ST6GALNAC3: variants seen among roughly 807,000 people sequenced by gnomAD.
ST6GALNAC3 encodes the protein alpha-N-acetylgalactosaminide alpha-2,6-sialyltransferase 3.
ST6GALNAC3 carries 25 observed loss-of-function variants against 32.7 expected under a neutral mutation model. The ratio of observed to expected loss-of-function variants is 0.76; its 90% CI spans 0.56 to 1.07. The LOEUF is 1.07. Among genes scored for constraint, ST6GALNAC3 ranks in the 50% least tolerant of loss-of-function variants. The pLI, the probability that ST6GALNAC3 is intolerant of heterozygous loss-of-function variation, is 0.00. For missense variants in ST6GALNAC3, 355 were observed against 382.4 expected, an observed-to-expected ratio of 0.93 and a Z score of 0.60; for synonymous variants, 129 against 133.1, an observed-to-expected ratio of 0.97 and a Z score of 0.21.
chr1:76,633,932 T>C lies in ST6GALNAC3; in HGVS notation c.*5126T>C, dbSNP rs1455702435. The C allele has an allele frequency of 6.5e-6, 1 of 153,208 alleles. No individual in the cohort carries two copies. Among genetic ancestry groups the C allele is most frequent in the African/African-American group, 2.4e-5 (1 of 41,478 alleles). The allele number at this position is 153,208 out of a possible 1,614,324, so 9.5% of individuals were successfully genotyped here. On this transcript the variant is annotated 3_prime_UTR_variant, in exon 5 of 5. Coordinates refer to ENST00000328299, the MANE Select transcript of ST6GALNAC3 (RefSeq NM_152996.4). ...ATATTGTTCTGTTGCTTGTTTTTGC[T>C]GAACTGTAGAGAAAACACCAGAGTA...
intron 3 of ST6GALNAC3, among the ~76,000 whole-genome samples, chr1:76,562,285 G>A (rs575408400): frequency 7.9e-5 from 12 of 152,260 alleles, no homozygotes; most frequent in East Asian, 1.9e-4. Flanking sequence ...TAAAAAAGTC[G>A]GGGGAGGATC....
At chr1:76,388,706 C>T (rs1652288768) in intron 2 of ST6GALNAC3, among the ~76,000 whole-genome samples, 2 of 152,110 alleles carry the variant, frequency 1.3e-5, no homozygotes, top group African/African-American at 4.8e-5. Flanking sequence ...GAAATAGGCT[C>T]CATTTGTTCT....
At chr1:76,483,779 G>T (rs1659902608) in intron 3 of ST6GALNAC3, among the ~76,000 whole-genome samples, 1 of 152,102 alleles carries the variant, frequency 6.6e-6, no homozygotes, top group Non-Finnish European at 1.5e-5. Context: ...TTGTGTTTTA[G>T]ACATGAAGTC....
At position 76,178,322 on chromosome 1, in the gene ST6GALNAC3, T is replaced by G. The variant is rs145691046; in HGVS notation, c.18+103438T>G. 1.7e-4 allele frequency among the ~76,000 whole-genome samples: 26 copies of G among 152,186 alleles called. No individual in the cohort carries two copies. In the East Asian group the frequency reaches 4.6e-3, roughly 27 times the overall value. On this transcript the variant is annotated intron_variant, in intron 1 of 4. Coordinates refer to ENST00000328299, the MANE Select transcript of ST6GALNAC3 (RefSeq NM_152996.4). ...CTTCACTAGACCCAAGGGCATGGAGTAATTTCTCAGGAAAGTATTCTGCCA... is the reference window on the plus strand; with the variant it reads ...CTTCACTAGACCCAAGGGCATGGAGGAATTTCTCAGGAAAGTATTCTGCCA...
At chr1:76,099,530 A>G (rs761867825) in intron 1 of ST6GALNAC3, among the ~76,000 whole-genome samples, 18 of 152,088 alleles carry the variant, frequency 1.2e-4, no homozygotes, top group Non-Finnish European at 2.5e-4. Context: ...AACAATGTAG[A>G]TGAATCTCCA....
chr1:76,286,412 G>T (rs1537784), intron 1 of ST6GALNAC3, among the ~76,000 whole-genome samples: 1 of 152,100 alleles, frequency 6.6e-6, no homozygotes, highest in East Asian at 1.9e-4. Context: ...ACAAACCAGT[G>T]GCTCCCCCAC....
At chr1:76,467,015 T>C (rs1327416309) in intron 3 of ST6GALNAC3, among the ~76,000 whole-genome samples, 5 of 152,082 alleles carry the variant, frequency 3.3e-5, no homozygotes, top group Non-Finnish European at 7.4e-5. Context: ...TTCCTTAAGA[T>C]GTTTTAGTTG....
At chr1:76,301,498 T>C (rs555725768) in intron 1 of ST6GALNAC3, among the ~76,000 whole-genome samples, 2 of 152,206 alleles carry the variant, frequency 1.3e-5, no homozygotes, top group African/African-American at 4.8e-5. Context: ...TAAATGCATA[T>C]GCTTTATATT....
downstream of ST6GALNAC3, among the ~76,000 whole-genome samples, chr1:76,635,764 T>C (rs1649488935): frequency 6.6e-6 from 1 of 152,172 alleles, no homozygotes; most frequent in Non-Finnish European, 1.5e-5. Flanking sequence ...TTGAGGTCCT[T>C]TGAGTCCTCT....
intron 3 of ST6GALNAC3, among the ~76,000 whole-genome samples, chr1:76,425,708 C>G (rs1282133298): frequency 1.3e-5 from 2 of 151,842 alleles, no homozygotes; most frequent in Non-Finnish European, 1.5e-5. Context: ...GCTGAGAAAC[C>G]TTGCCGAGAG....
At chr1:76,502,566 T>A (rs1461941754) in intron 3 of ST6GALNAC3, among the ~76,000 whole-genome samples, 3 of 152,184 alleles carry the variant, frequency 2.0e-5, no homozygotes, top group Non-Finnish European at 4.4e-5. Flanking sequence ...CTTCTCTGCA[T>A]GTCTGTGTCC....
intron 1 of ST6GALNAC3, among the ~76,000 whole-genome samples, chr1:76,212,895 C>G (rs1009173918): frequency 1.3e-5 from 2 of 152,056 alleles, no homozygotes; most frequent in Non-Finnish European, 2.9e-5. Flanking sequence ...ACTGGCAAGT[C>G]TAAAACACAG....
In ST6GALNAC3 at chr1:76,278,063, T is replaced by A. The variant is rs761489816; in HGVS notation, c.19-35742T>A. On this transcript the variant is annotated intron_variant, in intron 1 of 4. Transcript: ENST00000328299. The stretch of plus-strand genomic sequence containing the variant: ...TATTTTTATGAAATTTCATTAAATT[T>A]ATAGTTTTGGGGAAGAGTTGGTATC... Among the ~76,000 whole-genome samples the A allele has an allele frequency of 6.1e-4, 93 of 152,258 alleles. 2 individuals are homozygous for A. The highest frequency in any genetic ancestry group is 1.5e-4 in the Non-Finnish European group (10 of 68,034).
intron 1 of ST6GALNAC3, among the ~76,000 whole-genome samples, chr1:76,168,492 C>T (rs1008604165): frequency 1.3e-5 from 2 of 152,132 alleles, no homozygotes; most frequent in Non-Finnish European, 2.9e-5. Context: ...TCCATTTGAT[C>T]TAATGCTGAG....
intron 1 of ST6GALNAC3, among the ~76,000 whole-genome samples, chr1:76,115,992 T>C (rs1296791193): frequency 1.3e-5 from 2 of 152,196 alleles, no homozygotes; most frequent in Non-Finnish European, 2.9e-5. Flanking sequence ...AGATAGGCTC[T>C]GCTCTCATTA....
intron 2 of ST6GALNAC3, among the ~76,000 whole-genome samples, chr1:76,398,126 C>T (rs1412443979): frequency 6.6e-6 from 1 of 151,366 alleles, no homozygotes; most frequent in African/African-American, 2.4e-5. Flanking sequence ...ATGTTCCAAA[C>T]CATTATTCCA....
At chr1:76,119,371 A>C (rs2100831142) in intron 1 of ST6GALNAC3, among the ~76,000 whole-genome samples, 1 of 152,340 alleles carries the variant, frequency 6.6e-6, no homozygotes, top group African/African-American at 2.4e-5. Flanking sequence ...TTAATGCTAA[A>C]TATTTACTCT....
chr1:76,506,819 T>G (rs1333436840), intron 3 of ST6GALNAC3, among the ~76,000 whole-genome samples: 1 of 152,146 alleles, frequency 6.6e-6, no homozygotes, highest in Non-Finnish European at 1.5e-5. Flanking sequence ...CACCTCTCCA[T>G]GTAGGGAAGG....
In ST6GALNAC3 at chr1:76,383,902, G is replaced by T. The variant is rs1289815810; in HGVS notation, c.214-28106G>T. ...ATGATTACTAAAAAGAATAACAAAA[G>T]AATTTAGATGTAACAAACTAAGAGA... On this transcript the variant is annotated intron_variant, in intron 2 of 4. Coordinates refer to ENST00000328299, the MANE Select transcript of ST6GALNAC3 (RefSeq NM_152996.4). Among the ~76,000 whole-genome samples the T allele has an allele frequency of 3.9e-5, 6 of 152,040 alleles. No individual in the cohort carries two copies. In the South Asian group the frequency reaches 6.2e-4, roughly 16 times the overall value.
Sources: gnomAD v4.1 joint callset for allele counts (sites outside exome capture counted in the v4.1 genomes callset) on GRCh38, gnomAD v4.1.1 for gene constraint, MANE v1.5 for transcripts, NCBI Gene and HGNC (gene_info 2026-07-23, HGNC 2026-07-21) for gene names.